Variants in FBLN5 observed in about 807,000 individuals in gnomAD.
FBLN5 encodes fibulin 5.
FBLN5 carries 24 observed loss-of-function variants against 61.6 expected under a neutral mutation model. That is an observed-to-expected ratio of 0.39 (90% CI 0.28 to 0.55). The LOEUF (loss-of-function observed/expected upper bound fraction) is 0.55, where lower values mean the gene tolerates loss of function less well. Ranked by LOEUF, FBLN5 falls within the 20% of genes least tolerant of loss-of-function variation. The pLI is 0.65. For missense variants in FBLN5, 470 were observed against 594.1 expected, an observed-to-expected ratio of 0.79 and a Z score of 2.17; for synonymous variants, 213 against 219.8, an observed-to-expected ratio of 0.97 and a Z score of 0.27.
chr14:91,896,033 C>A (rs537816298), intron 4 of FBLN5, among the ~76,000 whole-genome samples: 2 of 152,194 alleles, frequency 1.3e-5, no homozygotes, highest in African/African-American at 4.8e-5. Context: ...CCACCTCGGT[C>A]CCTTCTTAAC....
intron 4 of FBLN5, among the ~76,000 whole-genome samples, chr14:91,935,110 C>T (rs2140044647): frequency 6.6e-6 from 1 of 152,328 alleles, no homozygotes; most frequent in Admixed American, 6.5e-5. Flanking sequence ...AGATTGTATT[C>T]TCCTTACAAA....
chr14:91,877,445 C>T (rs776193725), intron 10 of FBLN5, 42 bp downstream of exon 10: 42 of 1,496,750 alleles, frequency 2.8e-5, no homozygotes, highest in Non-Finnish European at 3.7e-5. Flanking sequence ...CAGCACAAGG[C>T]CACTGTTACA....
intron 5 of FBLN5, among the ~76,000 whole-genome samples, chr14:91,894,397 C>A (rs1169397789): frequency 1.2e-4 from 4 of 33,702 alleles, no homozygotes; most frequent in Non-Finnish European, 1.2e-4. Flanking sequence ...AGGGAGACAC[C>A]ATATCAAAAA....
chr14:91,893,798 ACT>A (rs1228080213), intron 5 of FBLN5, among the ~76,000 whole-genome samples: 3 of 152,088 alleles, frequency 2.0e-5, no homozygotes, highest in African/African-American at 7.2e-5. Context: ...GTGATGACTG[ACT>A]CCTCAGGAGT....
intron 2 of FBLN5, chr14:91,942,215 C>T (rs1160418303): frequency 6.6e-6 from 3 of 455,622 alleles, no homozygotes; most frequent in Non-Finnish European, 1.3e-5. Flanking sequence ...CAAGCTTCTT[C>T]CAGAACCCCT....
chr14:91,881,351 C>A lies in FBLN5; in HGVS notation c.930G>T (p.Gly310=). Residue 310 remains glycine, a synonymous_variant, in exon 9 of 11, where the codon GGG becomes GGT. Transcript: ENST00000342058. ...NLQQTCYNLQ[G]GFKCIDPIRC... ...GGATGGGGTCAATGCATTTGAAGCCCCCTTGTAAATTGTAGCACGTCTGCT... is the reference window on the plus strand; with the variant it reads ...GGATGGGGTCAATGCATTTGAAGCCACCTTGTAAATTGTAGCACGTCTGCT... 1 of 1,614,120 alleles carries A rather than the reference C, an allele frequency of 6.2e-7. No homozygotes were observed. Among genetic ancestry groups the A allele is most frequent in the Non-Finnish European group, 8.5e-7 (1 of 1,180,000 alleles).
At position 91,912,705 on chromosome 14, in the gene FBLN5, G is replaced by A. The variant is rs140140676; in HGVS notation, c.380-17633C>T. ...TGCACCCGTGGTCCCAGCTACTCGG[G>A]AGGCTAAGGTTGGAGGATCGCTTGA... is the stretch of plus-strand genomic sequence containing the variant. On this transcript the variant is annotated intron_variant, in intron 4 of 10. Transcript: ENST00000342058. Among the ~76,000 whole-genome samples, 520 of 151,774 alleles carry A rather than the reference G, an allele frequency of 3.4e-3. 1 individual carries two copies. The highest frequency in any genetic ancestry group is 0.01 in the African/African-American group (433 of 41,362).
rs981922133 is a variant in FBLN5 at position 91,881,148 on chromosome 14, CACA to C, written c.989+141_989+143del. On this transcript the variant is annotated intron_variant, in intron 9 of 10. Transcript: ENST00000342058. The stretch of plus-strand genomic sequence containing the variant: ...ACACACACACACACACACACACACA[CACA>C]CACGCATGAGCACATGACGTAGGTA... 1.7e-5 allele frequency: 13 copies of C among 777,066 alleles called. No homozygotes were observed. In the African/African-American group the frequency reaches 2.1e-4, roughly 12 times the overall value. 48.1% of individuals were successfully genotyped at this position (777,066 alleles called of 1,614,324 possible). A position where few individuals can be genotyped will look rare whatever the true frequency, so the allele number is the denominator to read the frequency against.
intron 4 of FBLN5, among the ~76,000 whole-genome samples, chr14:91,905,520 G>C (rs879176450): frequency 6.6e-6 from 1 of 151,878 alleles, no homozygotes; most frequent in Admixed American, 6.6e-5. Context: ...AGAAGTGCCA[G>C]CTGGCTCTTT....
intron 4 of FBLN5, among the ~76,000 whole-genome samples, chr14:91,919,254 T>C (rs2055682701): frequency 6.7e-6 from 1 of 150,316 alleles, no homozygotes; most frequent in East Asian, 1.9e-4. Context: ...TGATGTGAAC[T>C]TGGGAGGTAG....
At position 91,882,844 on chromosome 14, in the gene FBLN5, C is replaced by A; in HGVS notation, c.862+110G>T. 1 of 1,320,574 alleles carries A rather than the reference C, an allele frequency of 7.6e-7. No individual in the cohort carries two copies. Among genetic ancestry groups the A allele is most frequent in the South Asian group, 1.3e-5 (1 of 79,564 alleles). 81.8% of individuals were successfully genotyped at this position (1,320,574 alleles called of 1,614,324 possible). ...CACCCACTCACACCCCCACCCCTGCCACCTTCCCAAAGCTGCACATGATTC... is the reference window on the plus strand; with the variant it reads ...CACCCACTCACACCCCCACCCCTGCAACCTTCCCAAAGCTGCACATGATTC... On this transcript the variant is annotated intron_variant, in intron 8 of 10. Coordinates refer to ENST00000342058, the MANE Select transcript of FBLN5 (RefSeq NM_006329.4). The surrounding 1 kb of genome is among the most constrained non-coding windows in gnomAD (Gnocchi z 4.9).
At chr14:91,915,279 A>G (rs1312761706) in intron 4 of FBLN5, among the ~76,000 whole-genome samples, 9 of 152,374 alleles carry the variant, frequency 5.9e-5, no homozygotes, top group Non-Finnish European at 1.2e-4. Flanking sequence ...GAAAAAGCTT[A>G]TGCAAATGAA....
chr14:91,920,990 A>T (rs771111514), intron 4 of FBLN5, among the ~76,000 whole-genome samples: 22 of 152,348 alleles, frequency 1.4e-4, no homozygotes, highest in Non-Finnish European at 2.9e-4. Flanking sequence ...GGCCTGAGAC[A>T]CAGAGGGTTC....
intron 4 of FBLN5, among the ~76,000 whole-genome samples, chr14:91,911,699 G>A (rs533174699): frequency 5.9e-5 from 9 of 152,062 alleles, no homozygotes; most frequent in Non-Finnish European, 1.0e-4. Context: ...GAATCCAAAT[G>A]CTCTGGGGCC....
At chr14:91,912,624 G>A (rs973369735) in intron 4 of FBLN5, among the ~76,000 whole-genome samples, 1 of 152,056 alleles carries the variant, frequency 6.6e-6, no homozygotes, top group Non-Finnish European at 1.5e-5. Context: ...CAGCCTGGGT[G>A]ACAGAGCTAG....
intron 9 of FBLN5, 104 bp downstream of exon 9, chr14:91,881,188 C>T (rs1200658697): frequency 2.3e-6 from 3 of 1,286,870 alleles, no homozygotes; most frequent in East Asian, 4.7e-5. Flanking sequence ...TAGGCCAGGT[C>T]CCCTCACTTC....
intron 2 of FBLN5, 87 bp from the exon 3 acceptor site, chr14:91,940,703 G>C (rs1313975809): frequency 8.5e-7 from 1 of 1,172,536 alleles, no homozygotes; most frequent in Non-Finnish European, 1.3e-6. Flanking sequence ...TGGGGAAATG[G>C]AGCAAAAAAG....
intron 1 of FBLN5, among the ~76,000 whole-genome samples, chr14:91,945,312 C>G (rs2056167750): frequency 6.6e-6 from 1 of 151,950 alleles, no homozygotes; most frequent in African/African-American, 2.4e-5. Flanking sequence ...TTTATCCAAG[C>G]AACTACTGCT....
rs1889558803 is a variant in FBLN5 at position 91,883,193 on chromosome 14, A to G, written c.740-117T>C. 13 of 1,179,428 alleles carry G rather than the reference A, an allele frequency of 1.1e-5. No individual in the cohort carries two copies. In the South Asian group the frequency reaches 1.5e-4, roughly 14 times the overall value. 73.1% of individuals were successfully genotyped at this position (1,179,428 alleles called of 1,614,324 possible). ...TGATACATACAATGGCTTTACTGCCAAGAAGCTGTCAATTCACTTCTCCAG... is the reference window on the plus strand; with the variant it reads ...TGATACATACAATGGCTTTACTGCCGAGAAGCTGTCAATTCACTTCTCCAG... On this transcript the variant is annotated intron_variant, in intron 7 of 10. Transcript: ENST00000342058.
Sources: gnomAD v4.1 joint callset for allele counts (sites outside exome capture counted in the v4.1 genomes callset) on GRCh38, gnomAD v4.1.1 for gene constraint, Gnocchi (gnomAD v3.1) non-coding constraint, MANE v1.5 for transcripts, NCBI Gene and HGNC (gene_info 2026-07-23, HGNC 2026-07-21) for gene names.